The following ARMC3 variants were observed in gnomAD, a reference collection of about 807,000 sequenced individuals.
The protein encoded by ARMC3 is armadillo repeat containing 3.
A neutral mutation model predicts 90.3 loss-of-function variants in ARMC3; 74 were observed. The observed-to-expected ratio is 0.82, with a 90% confidence interval of 0.68 to 0.99. The LOEUF is 0.99. Ranked by LOEUF, ARMC3 falls within the 50% of genes least tolerant of loss-of-function variation. The probability of loss-of-function intolerance (pLI) is 0.00; values close to 1 mark genes in which losing one functional copy is unlikely to be tolerated. For missense variants in ARMC3, 958 were observed against 1,042.8 expected (o/e 0.92, Z 1.12); for synonymous variants, 334 against 361.8 (o/e 0.92, Z 0.87).
intron 13 of ARMC3, 40 bp from the exon 14 acceptor site, chr10:23,006,844 C>G (rs374738353): frequency 6.4e-7 from 1 of 1,567,662 alleles, no homozygotes; most frequent in Non-Finnish European, 8.8e-7. Context: ...AAATATGACC[C>G]CTGCAGATAC....
intron 10 of ARMC3, among the ~76,000 whole-genome samples, chr10:22,981,954 A>T (rs1836213124): frequency 6.6e-6 from 1 of 152,162 alleles, no homozygotes; most frequent in African/African-American, 2.4e-5. Context: ...GACCAAGAGG[A>T]CTCTTGTAGA....
chr10:23,020,853 T>C (rs992415255), intron 16 of ARMC3, among the ~76,000 whole-genome samples: 1 of 152,160 alleles, frequency 6.6e-6, no homozygotes, highest in African/African-American at 2.4e-5. Context: ...GTTTGCTACG[T>C]GGGTAAATTG....
At chr10:22,948,155 A>C (rs780520683) in intron 3 of ARMC3, among the ~76,000 whole-genome samples, 5 of 152,196 alleles carry the variant, frequency 3.3e-5, no homozygotes, top group Non-Finnish European at 7.4e-5. Context: ...TTTGTCACTC[A>C]GGTCATCATT....
chr10:22,987,235 A>C (rs915843666), intron 10 of ARMC3, among the ~76,000 whole-genome samples: 1 of 152,226 alleles, frequency 6.6e-6, no homozygotes, highest in African/African-American at 2.4e-5. Context: ...TATCCAATTA[A>C]TCATATCAAA....
At chr10:23,001,768 C>G in intron 11 of ARMC3, 151 bp from the exon 12 acceptor site, 1 of 1,004,126 alleles carries the variant, frequency 1.0e-6, no homozygotes, top group Non-Finnish European at 1.4e-6. Flanking sequence ...GATTTTTCAC[C>G]CCTGAATTTA....
At chr10:22,993,935 TA>T (rs1234338140) in intron 10 of ARMC3, among the ~76,000 whole-genome samples, 2 of 152,234 alleles carry the variant, frequency 1.3e-5, no homozygotes, top group African/African-American at 4.8e-5. Flanking sequence ...ATCCTTTCTG[TA>T]AGTGCTCTTT....
At chr10:22,962,129 A>C in intron 7 of ARMC3, 51 bp downstream of exon 7, 1 of 1,286,138 alleles carries the variant, frequency 7.8e-7, no homozygotes, top group Non-Finnish European at 1.0e-6. Flanking sequence ...ATCTCTCCCA[A>C]ATGTTTAAAA....
chr10:22,987,954 C>G (rs1409169709), intron 10 of ARMC3, among the ~76,000 whole-genome samples: 2 of 152,154 alleles, frequency 1.3e-5, no homozygotes, highest in Non-Finnish European at 2.9e-5. Context: ...AACTGTCTTG[C>G]TGTTGTGTTC....
At chr10:23,012,999 G>A (rs1227897297) in intron 16 of ARMC3, among the ~76,000 whole-genome samples, 3 of 150,952 alleles carry the variant, frequency 2.0e-5, no homozygotes, top group Non-Finnish European at 2.9e-5. Context: ...CGCAATTCTC[G>A]GGCCTCAGCC....
chr10:22,994,702 C>A (rs1180137297), intron 10 of ARMC3, among the ~76,000 whole-genome samples: 2 of 152,026 alleles, frequency 1.3e-5, no homozygotes, highest in African/African-American at 4.8e-5. Flanking sequence ...GAGGAGAGAC[C>A]TCTTAGGAGA....
intron 8 of ARMC3, 148 bp downstream of exon 8, chr10:22,968,637 G>A (rs185911068): frequency 2.1e-3 from 1,439 of 690,908 alleles, no homozygotes; most frequent in Non-Finnish European, 2.7e-3. Flanking sequence ...TAGTAGCTGG[G>A]ACTACAGGCA....
At chr10:22,953,068 A>C (rs1005259204) in intron 3 of ARMC3, among the ~76,000 whole-genome samples, 8 of 152,330 alleles carry the variant, frequency 5.3e-5, no homozygotes, top group African/African-American at 1.9e-4. Context: ...AGGTTGGGCC[A>C]ACACAATCAC....
intron 3 of ARMC3, chr10:22,955,160 G>C (rs1471803457): frequency 6.6e-6 from 1 of 152,226 alleles, no homozygotes; most frequent in African/African-American, 2.4e-5. Context: ...TCAGTTTAGA[G>C]ATTCAAATGC....
At chr10:22,998,465 A>T in intron 11 of ARMC3, 68 bp downstream of exon 11, 1 of 1,567,440 alleles carries the variant, frequency 6.4e-7, no homozygotes, top group Non-Finnish European at 8.7e-7. Flanking sequence ...TTCATTGGAA[A>T]CATTTTTAAG....
rs1349951108 is a variant in ARMC3, at chr10:23,003,433, T to G, written c.1731+19T>G. On this transcript the variant is annotated intron_variant, in intron 13 of 18. Coordinates refer to ENST00000298032, the MANE Select transcript of ARMC3 (RefSeq NM_173081.5). ...TGGTCGGGTAAGTGACAGCATTTATTTGTAGTTTAGTATGTACAATAATAA... is the reference window on the plus strand; with the variant it reads ...TGGTCGGGTAAGTGACAGCATTTATGTGTAGTTTAGTATGTACAATAATAA... 1 of 1,572,814 alleles carries G rather than the reference T, an allele frequency of 6.4e-7. No homozygotes were observed. The highest frequency in any genetic ancestry group is 8.6e-7 in the Non-Finnish European group (1 of 1,159,390).
chr10:22,952,969 T>A (rs1256050592), intron 3 of ARMC3, among the ~76,000 whole-genome samples: 1 of 152,184 alleles, frequency 6.6e-6, no homozygotes, highest in African/African-American at 2.4e-5. Context: ...AAATAGTATG[T>A]TACATGACAA....
At chr10:22,970,185 A>C (rs935203288) in intron 8 of ARMC3, among the ~76,000 whole-genome samples, 2 of 152,216 alleles carry the variant, frequency 1.3e-5, no homozygotes, top group Admixed American at 1.3e-4. Context: ...AATATTTCTG[A>C]AATCAGTGAT....
intron 2 of ARMC3, among the ~76,000 whole-genome samples, chr10:22,945,373 A>G (rs141100481): frequency 6.6e-6 from 1 of 152,336 alleles, no homozygotes; most frequent in Non-Finnish European, 1.5e-5. Context: ...AAATAGTGTA[A>G]TAATTTGTTT....
chr10:23,022,302 C>T (rs998470185), intron 16 of ARMC3, among the ~76,000 whole-genome samples: 1 of 152,196 alleles, frequency 6.6e-6, no homozygotes. Flanking sequence ...ACATTTTTCT[C>T]TCTTGAATTA....
Sources: gnomAD v4.1 joint callset for allele counts (sites outside exome capture counted in the v4.1 genomes callset) on GRCh38, gnomAD v4.1.1 for gene constraint, MANE v1.5 for transcripts, NCBI Gene and HGNC (gene_info 2026-07-23, HGNC 2026-07-21) for gene names.